Variants in AFF1 observed in about 807,000 individuals in gnomAD.
AFF1 encodes the protein ALF transcription elongation factor 1.
AFF1 carries 48 observed loss-of-function variants against 121.7 expected under a neutral mutation model. The observed-to-expected ratio is 0.39, with a 90% CI of 0.31 to 0.50. AFF1 has a LOEUF of 0.50. Ranked by LOEUF, AFF1 falls within the 20% of genes least tolerant of loss-of-function variation. The pLI is 0.76. For missense variants in AFF1, 1,523 were observed against 1,511.7 expected (o/e 1.01, Z -0.12); for synonymous variants, 613 against 563.0 (o/e 1.09, Z -1.26).
intron 2 of AFF1, among the ~76,000 whole-genome samples, chr4:87,018,480 C>T (rs1158864998): frequency 6.6e-6 from 1 of 152,156 alleles, no homozygotes; most frequent in Non-Finnish European, 1.5e-5. Flanking sequence ...AATTGTCCTT[C>T]TAGAATGTAC....
At chr4:86,994,202 T>G (rs995659760) in intron 2 of AFF1, among the ~76,000 whole-genome samples, 3 of 152,220 alleles carry the variant, frequency 2.0e-5, no homozygotes, top group Admixed American at 1.3e-4. Context: ...AACATTTGTT[T>G]TCTTACTTGA....
chr4:86,991,834 CTT>C (rs34804329), intron 2 of AFF1, among the ~76,000 whole-genome samples: 1,300 of 113,612 alleles, frequency 0.011, 26 homozygotes, highest in African/African-American at 0.039. Context: ...CTTCAAATTG[CTT>C]TTTTTTTTTT....
At chr4:87,013,280 TCCTCCCGCCTCGG>T (rs1386256052) in intron 2 of AFF1, among the ~76,000 whole-genome samples, 1 of 152,050 alleles carries the variant, frequency 6.6e-6, no homozygotes, top group East Asian at 1.9e-4. Flanking sequence ...CCTCAGGTGA[TCCTCCCGCCTCGG>T]CCTCCCAAAG....
intron 2 of AFF1, among the ~76,000 whole-genome samples, chr4:87,007,678 C>G (rs1250621363): frequency 2.0e-5 from 3 of 152,148 alleles, no homozygotes; most frequent in Non-Finnish European, 1.5e-5. Context: ...CCCCTTCTTC[C>G]CCCAGAACTG....
chr4:87,008,622 T>G (rs79112999), intron 2 of AFF1, among the ~76,000 whole-genome samples: 1 of 26,188 alleles, frequency 3.8e-5, no homozygotes, highest in South Asian at 7.8e-3. Flanking sequence ...AATTTAGTGT[T>G]TTTTTTTTTT....
At chr4:87,060,866 A>AAAACAC (rs1560586054) in intron 4 of AFF1, among the ~76,000 whole-genome samples, 1 of 48,520 alleles carries the variant, frequency 2.1e-5, no homozygotes, top group Non-Finnish European at 3.9e-5. Flanking sequence ...AAAAAAAAAA[A>AAAACAC]ACACAAAAAA....
At chr4:86,960,164 C>T (rs947770711) in intron 2 of AFF1, among the ~76,000 whole-genome samples, 2 of 152,028 alleles carry the variant, frequency 1.3e-5, no homozygotes, top group Admixed American at 6.6e-5. Context: ...GGCTGCTCTT[C>T]GTTTGAATTT....
chr4:86,990,780 CTGTT>C (rs1490902785), intron 2 of AFF1, among the ~76,000 whole-genome samples: 1 of 151,732 alleles, frequency 6.6e-6, no homozygotes, highest in African/African-American at 2.4e-5. Context: ...ACTGAGAAAA[CTGTT>C]TGGGTGGAAA....
At chr4:86,942,735 T>G (rs1467568111) in intron 1 of AFF1, among the ~76,000 whole-genome samples, 1 of 152,212 alleles carries the variant, frequency 6.6e-6, no homozygotes, top group Non-Finnish European at 1.5e-5. Flanking sequence ...CACCTTCCTC[T>G]TCTCCTCCTC....
intron 2 of AFF1, among the ~76,000 whole-genome samples, chr4:87,004,906 T>C (rs917467960): frequency 2.0e-5 from 3 of 152,254 alleles, no homozygotes; most frequent in African/African-American, 4.8e-5. Flanking sequence ...TTAATTGCAT[T>C]GTGGAATCTG....
intron 2 of AFF1, among the ~76,000 whole-genome samples, chr4:86,993,464 A>G (rs1215010458): frequency 6.6e-6 from 1 of 152,156 alleles, no homozygotes; most frequent in Non-Finnish European, 1.5e-5. Context: ...AGGAAAATTT[A>G]GGGATAGTTT....
intron 5 of AFF1, among the ~76,000 whole-genome samples, chr4:87,084,367 C>T (rs1045267730): frequency 1.3e-5 from 2 of 151,804 alleles, no homozygotes; most frequent in Admixed American, 6.6e-5. Flanking sequence ...AGCAAAACCC[C>T]GTATCTACTA....
intron 8 of AFF1, among the ~76,000 whole-genome samples, chr4:87,097,812 T>G (rs1458211378): frequency 2.0e-5 from 3 of 152,226 alleles, no homozygotes; most frequent in African/African-American, 7.2e-5. Context: ...TCACTTTTAA[T>G]GGAGATTAGA....
At chr4:87,080,415 T>G (rs1723052596) in intron 4 of AFF1, among the ~76,000 whole-genome samples, 1 of 152,234 alleles carries the variant, frequency 6.6e-6, no homozygotes, top group Non-Finnish European at 1.5e-5. Context: ...AGTTGTGGCT[T>G]AGAGAGAGCT....
chr4:87,046,413 C>T, intron 3 of AFF1, 127 bp downstream of exon 3: 2 of 1,325,542 alleles, frequency 1.5e-6, no homozygotes, highest in South Asian at 1.5e-5. Flanking sequence ...CTTATTCTAA[C>T]TTATTCTAGA....
chr4:87,076,751 G>T (rs1325553444), intron 4 of AFF1, among the ~76,000 whole-genome samples: 1 of 152,162 alleles, frequency 6.6e-6, no homozygotes, highest in Non-Finnish European at 1.5e-5. Flanking sequence ...AAAATTCTGG[G>T]TATACAGATA....
chr4:87,013,765 T>G (rs1270882728), intron 2 of AFF1, among the ~76,000 whole-genome samples: 1 of 151,538 alleles, frequency 6.6e-6, no homozygotes. Flanking sequence ...TCATATGAGG[T>G]TCAGGGTTCT....
At chr4:87,064,990 G>C (rs1721190775) in intron 4 of AFF1, among the ~76,000 whole-genome samples, 1 of 152,066 alleles carries the variant, frequency 6.6e-6, no homozygotes, top group African/African-American at 2.4e-5. Flanking sequence ...AGTGAGCTGT[G>C]TTCGTGCCAC....
At chr4:87,020,211 CTT>C (rs557732868) in intron 2 of AFF1, among the ~76,000 whole-genome samples, 3 of 152,190 alleles carry the variant, frequency 2.0e-5, no homozygotes, top group Admixed American at 6.5e-5. Context: ...CACCTCATCT[CTT>C]TTGTACTTCT....
Sources: gnomAD v4.1 joint callset for allele counts (sites outside exome capture counted in the v4.1 genomes callset) on GRCh38, gnomAD v4.1.1 for gene constraint, MANE v1.5 for transcripts, NCBI Gene and HGNC (gene_info 2026-07-23, HGNC 2026-07-21) for gene names.